Variants in IGF2BP2 observed in about 807,000 individuals in gnomAD.
IGF2BP2 encodes the protein insulin like growth factor 2 mRNA binding protein 2, also known as insulin-like growth factor 2 mRNA-binding protein 2.
IGF2BP2 carries 17 observed loss-of-function variants against 75.8 expected under a neutral mutation model. The observed-to-expected ratio is 0.22, with a 90% CI of 0.15 to 0.34. IGF2BP2 has a LOEUF of 0.34. Ranked by LOEUF, IGF2BP2 falls within the 10% of genes least tolerant of loss-of-function variation. IGF2BP2 has a pLI of 1.00. For synonymous variants in IGF2BP2, 288 were observed against 295.6 expected (o/e 0.97, Z 0.26); for missense variants, 516 against 772.4 (o/e 0.67, Z 3.93).
rs13100823 is a variant in IGF2BP2 at position 185,796,300 on chromosome 3, C to G, written c.239+26853G>C. On this transcript the variant is annotated intron_variant, in intron 2 of 15. Coordinates refer to ENST00000382199, the MANE Select transcript of IGF2BP2 (RefSeq NM_006548.6). Reference sequence around the variant, plus strand: ...GGGATAGGCGGGGCATGGTGGCTCACGCCTGTAATCCCAGTACTTTGGGAG... The same window carrying G: ...GGGATAGGCGGGGCATGGTGGCTCAGGCCTGTAATCCCAGTACTTTGGGAG... Among the ~76,000 whole-genome samples the G allele has an allele frequency of 2.0e-3, 307 of 151,840 alleles. 11 individuals carry two copies. The East Asian group carries it at 0.055, about 27-fold the overall frequency.
At chr3:185,761,858 A>G (rs1578219306) in intron 2 of IGF2BP2, among the ~76,000 whole-genome samples, 1 of 152,242 alleles carries the variant, frequency 6.6e-6, no homozygotes, top group African/African-American at 2.4e-5. Flanking sequence ...ATTTAGCAAA[A>G]TAACAGTCCC....
intron 2 of IGF2BP2, among the ~76,000 whole-genome samples, chr3:185,795,014 C>CA (rs1480445345): frequency 6.6e-6 from 1 of 152,092 alleles, no homozygotes; most frequent in Non-Finnish European, 1.5e-5. Flanking sequence ...TCTCTTGCCT[C>CA]AGCCTCCTGA....
chr3:185,663,233 C>T (rs1348305992), intron 10 of IGF2BP2, among the ~76,000 whole-genome samples: 9 of 152,220 alleles, frequency 5.9e-5, no homozygotes, highest in Admixed American at 3.9e-4. Flanking sequence ...TATTTTATGA[C>T]GGAGAAGCTA....
Position 185,716,939 on chromosome 3 carries a change from G to C in IGF2BP2, c.240-18592C>G, listed in dbSNP as rs1358584166. ...CATCTCTGCTGCCCAGCCAGACTCC[G>C]CCTTCTGTGATTTTCTCATCCCACC... On this transcript the variant is annotated intron_variant, in intron 2 of 15. Transcript: ENST00000382199. 1.2e-5 allele frequency: 5 copies of C among 417,810 alleles called. No homozygotes were observed. The East Asian group carries it at 2.4e-4, about 20-fold the overall frequency. The allele number at this position is 417,810 out of a possible 1,614,324, so 25.9% of individuals were successfully genotyped here.
At chr3:185,759,819 T>G (rs1732117734) in intron 2 of IGF2BP2, among the ~76,000 whole-genome samples, 3 of 152,232 alleles carry the variant, frequency 2.0e-5, no homozygotes, top group Non-Finnish European at 4.4e-5. Context: ...CTTTCTGTAG[T>G]TAACAGCGAA....
intron 2 of IGF2BP2, chr3:185,722,084 A>G (rs1212474789): frequency 5.8e-6 from 2 of 345,700 alleles, no homozygotes; most frequent in African/African-American, 2.3e-5. Context: ...TGCACCAACC[A>G]CATCTGATTT....
At chr3:185,665,431 G>GAT (rs1717301671) in intron 10 of IGF2BP2, among the ~76,000 whole-genome samples, 1 of 122,480 alleles carries the variant, frequency 8.2e-6, no homozygotes, top group Non-Finnish European at 1.7e-5. Flanking sequence ...GGAGAAGGAG[G>GAT]AGGAGGAGAA....
rs1221085080 is a variant in IGF2BP2, at chr3:185,643,855, T to C, written c.*1676A>G. On this transcript the variant is annotated 3_prime_UTR_variant, in exon 16 of 16. Coordinates refer to ENST00000382199, the MANE Select transcript of IGF2BP2 (RefSeq NM_006548.6). ...CTGGCATTGCAGTCTGGTGGTATAA[T>C]GGCTTGTCCACATAAACCAGTACAT... 2.0e-5 allele frequency: 3 copies of C among 146,972 alleles called. No individual in the cohort carries two copies. Among genetic ancestry groups the C allele is most frequent in the Non-Finnish European group, 4.5e-5 (3 of 67,046 alleles). The allele number at this position is 146,972 out of a possible 1,614,324, so 9.1% of individuals were successfully genotyped here.
chr3:185,678,633 T>C (rs887948691), intron 7 of IGF2BP2, among the ~76,000 whole-genome samples: 32 of 152,238 alleles, frequency 2.1e-4, no homozygotes, highest in African/African-American at 7.5e-4. Flanking sequence ...TGGAATGTTC[T>C]TGTATGTCTG....
Position 185,645,644 on chromosome 3 carries a change from G to A in IGF2BP2, c.1708-21C>T. 1 of 1,597,290 alleles carries A rather than the reference G, an allele frequency of 6.3e-7. No individual in the cohort carries two copies. Among genetic ancestry groups the A allele is most frequent in the Non-Finnish European group, 8.6e-7 (1 of 1,164,736 alleles). The stretch of plus-strand genomic sequence containing the variant: ...GCAGTCTGCAGCAAGGGAGAGAAGG[G>A]AGAGGAAGGGACAGGGGAAAAAAGG... On this transcript the variant is annotated intron_variant, in intron 15 of 15. Coordinates refer to ENST00000382199, the MANE Select transcript of IGF2BP2 (RefSeq NM_006548.6). This position sits in a 1 kb window ranked among gnomAD's most constrained non-coding sequence, Gnocchi z 4.9.
chr3:185,728,973 T>TGCCTGAG (rs1377730292), intron 2 of IGF2BP2: 1 of 152,244 alleles, frequency 6.6e-6, no homozygotes, highest in Non-Finnish European at 1.5e-5. Flanking sequence ...AAACTGCCAG[T>TGCCTGAG]GCCTGAGGCT....
intron 2 of IGF2BP2, among the ~76,000 whole-genome samples, chr3:185,751,889 C>T (rs901625193): frequency 4.0e-5 from 6 of 151,566 alleles, no homozygotes; most frequent in Non-Finnish European, 8.8e-5. Context: ...CAGGAACCCG[C>T]AAGGCAGAGT....
intron 12 of IGF2BP2, among the ~76,000 whole-genome samples, chr3:185,652,433 C>G (rs1465482024): frequency 1.3e-5 from 2 of 152,192 alleles, no homozygotes; most frequent in African/African-American, 4.8e-5. Context: ...TCCTGAGCAC[C>G]AGCTGTGATG....
chr3:185,777,395 T>G (rs1165969381), intron 2 of IGF2BP2, among the ~76,000 whole-genome samples: 2 of 152,072 alleles, frequency 1.3e-5, no homozygotes, highest in Admixed American at 6.6e-5. Context: ...TCCCAGCTAT[T>G]CAGGAGGATG....
At chr3:185,677,068 T>TAGAGAGAGAGAGAGAG (rs71164535) in intron 7 of IGF2BP2, among the ~76,000 whole-genome samples, 29 of 35,856 alleles carry the variant, frequency 8.1e-4, no homozygotes, top group African/African-American at 2.5e-3. Context: ...TATATATATA[T>TAGAGAGAGAGAGAGAG]AGAGAGAGAG....
At chr3:185,768,091 C>CTG (rs1203735874) in intron 2 of IGF2BP2, among the ~76,000 whole-genome samples, 1 of 152,146 alleles carries the variant, frequency 6.6e-6, no homozygotes, top group African/African-American at 2.4e-5. Flanking sequence ...CAGAAGGGTA[C>CTG]TGCTTTGTCT....
At position 185,665,416 on chromosome 3, in the gene IGF2BP2, GAGA is replaced by G. The variant is rs1176294669; in HGVS notation, c.1201-7010_1201-7008del. Among the ~76,000 whole-genome samples the G allele has an allele frequency of 5.8e-3, 678 of 117,184 alleles. 1 individual carries two copies. Among genetic ancestry groups the G allele is most frequent in the African/African-American group, 8.4e-3 (262 of 31,104 alleles). The allele number at this position is 117,184 out of a possible 152,430, so 76.9% of individuals were successfully genotyped here. On this transcript the variant is annotated intron_variant, in intron 10 of 15. Coordinates refer to ENST00000382199, the MANE Select transcript of IGF2BP2 (RefSeq NM_006548.6). ...GGAGGAGGAGGAGAAGGAAAAGGAG[GAGA>G]AGGAGAAGGAGGAGGAGGAGAAGGA...
intron 15 of IGF2BP2, among the ~76,000 whole-genome samples, chr3:185,646,677 G>A (rs1449049266): frequency 1.3e-5 from 2 of 152,336 alleles, no homozygotes; most frequent in African/African-American, 2.4e-5. Flanking sequence ...CTGGCTCCCA[G>A]TGGGGAGGCT....
chr3:185,785,294 C>G (rs1735729337), intron 2 of IGF2BP2, among the ~76,000 whole-genome samples: 1 of 146,594 alleles, frequency 6.8e-6, no homozygotes, highest in Non-Finnish European at 1.5e-5. Flanking sequence ...GAGTGAGACT[C>G]CTTCTCAAAA....
Sources: gnomAD v4.1 joint callset for allele counts (sites outside exome capture counted in the v4.1 genomes callset) on GRCh38, gnomAD v4.1.1 for gene constraint, Gnocchi (gnomAD v3.1) non-coding constraint, MANE v1.5 for transcripts, NCBI Gene and HGNC (gene_info 2026-07-23, HGNC 2026-07-21) for gene names.